The following CA10 variants were observed in gnomAD, a reference collection of about 807,000 sequenced individuals.
CA10 encodes the protein carbonic anhydrase-related protein 10.
A neutral mutation model predicts 44.2 loss-of-function variants in CA10; 14 were observed. The ratio of observed to expected loss-of-function variants is 0.32; its 90% CI spans 0.21 to 0.50. CA10 has a LOEUF of 0.50. Among genes scored for constraint, CA10 ranks in the 20% least tolerant of loss-of-function variants. The pLI is 0.99. For synonymous variants in CA10, 159 were observed against 141.6 expected (o/e 1.12, Z -0.87); for missense variants, 350 against 409.7 (o/e 0.85, Z 1.26).
At chr17:51,969,656 A>G (rs1449078076) in intron 2 of CA10, among the ~76,000 whole-genome samples, 2 of 151,940 alleles carry the variant, frequency 1.3e-5, no homozygotes, top group Non-Finnish European at 2.9e-5. Context: ...CTACATATTC[A>G]TATTTCCACA....
At chr17:52,158,934 G>A (rs557968794), upstream of CA10, among the ~76,000 whole-genome samples, 97 of 151,666 alleles carry the variant, frequency 6.4e-4, no homozygotes, top group Non-Finnish European at 1.3e-3. Context: ...GCGGCCATGA[G>A]GAGGAGGAGG....
intron 3 of CA10, among the ~76,000 whole-genome samples, chr17:51,755,972 A>G (rs899128373): frequency 6.6e-6 from 1 of 152,072 alleles, no homozygotes; most frequent in Non-Finnish European, 1.5e-5. Context: ...TTACTATTCT[A>G]TATGGAATTG....
rs946429893 is a variant in CA10 at position 51,982,024 on chromosome 17, T to C, written c.137-50892A>G. ...CTTGGAAAATTGCCATTCAGACTTA[T>C]AGATTAAACAAATATCAGATGTGGA... On this transcript the variant is annotated intron_variant, in intron 2 of 8. Transcript: ENST00000451037. Among the ~76,000 whole-genome samples the C allele has an allele frequency of 1.3e-5, 2 of 152,076 alleles. 1 individual carries two copies. Among genetic ancestry groups the C allele is most frequent in the African/African-American group, 4.8e-5 (2 of 41,436 alleles).
intron 4 of CA10, among the ~76,000 whole-genome samples, chr17:51,670,017 C>G (rs1008295818): frequency 6.6e-6 from 1 of 152,206 alleles, no homozygotes; most frequent in Non-Finnish European, 1.5e-5. Context: ...ATGGTTTTAT[C>G]AGGGGAAACC....
chr17:51,948,630 G>A (rs1022830531), intron 2 of CA10, among the ~76,000 whole-genome samples: 1 of 152,142 alleles, frequency 6.6e-6, no homozygotes, highest in African/African-American at 2.4e-5. Context: ...TGCCGTCCCT[G>A]AAGTGGTAGT....
At chr17:51,880,303 AT>A in intron 3 of CA10, among the ~76,000 whole-genome samples, 1 of 152,118 alleles carries the variant, frequency 6.6e-6, no homozygotes, top group African/African-American at 2.4e-5. Flanking sequence ...CAGCAAAAAA[AT>A]ATTTTTTTTT....
At chr17:52,017,663 T>C (rs1567704534) in intron 2 of CA10, among the ~76,000 whole-genome samples, 1 of 152,104 alleles carries the variant, frequency 6.6e-6, no homozygotes, top group Non-Finnish European at 1.5e-5. Context: ...CTGCAGGGTG[T>C]AAAAATCTGG....
intron 4 of CA10, among the ~76,000 whole-genome samples, chr17:51,687,138 C>A (rs1319169275): frequency 1.3e-5 from 2 of 152,174 alleles, no homozygotes; most frequent in African/African-American, 4.8e-5. Flanking sequence ...TACATCTTAC[C>A]TTTATGATCT....
intron 3 of CA10, among the ~76,000 whole-genome samples, chr17:51,876,562 A>G (rs1383488588): frequency 1.3e-5 from 2 of 152,018 alleles, no homozygotes; most frequent in East Asian, 1.9e-4. Context: ...TGTCCTGTGC[A>G]TTGCAGGATG....
At chr17:52,120,436 ATCCTTATCCTTATCCTT>A (rs1988990038) in intron 1 of CA10, among the ~76,000 whole-genome samples, 1 of 139,666 alleles carries the variant, frequency 7.2e-6, no homozygotes, top group African/African-American at 3.2e-5. Flanking sequence ...CCTTATCCTT[ATCCTTATCCTTATCCTT>A]ATCCTTATCC....
chr17:51,884,904 T>G (rs1004053159), intron 3 of CA10, among the ~76,000 whole-genome samples: 13 of 152,204 alleles, frequency 8.5e-5, no homozygotes, highest in African/African-American at 3.1e-4. Context: ...TCACCTGGCT[T>G]TCTTCCTTAT....
chr17:51,821,257 G>A (rs570375086), intron 3 of CA10, among the ~76,000 whole-genome samples: 1 of 151,518 alleles, frequency 6.6e-6, no homozygotes, highest in East Asian at 1.9e-4. Context: ...GGAGCCCACA[G>A]TTAAAAAGGA....
At chr17:51,853,179 AT>A (rs1200743362) in intron 3 of CA10, among the ~76,000 whole-genome samples, 5 of 152,220 alleles carry the variant, frequency 3.3e-5, no homozygotes, top group African/African-American at 4.8e-5. Flanking sequence ...AAGAGAGAAT[AT>A]TTTTAAAGTC....
At chr17:51,902,614 G>C (rs1344880745) in intron 3 of CA10, among the ~76,000 whole-genome samples, 1 of 152,090 alleles carries the variant, frequency 6.6e-6, no homozygotes, top group African/African-American at 2.4e-5. Context: ...AGCTTATCTG[G>C]GAGCCCTGAT....
intron 2 of CA10, among the ~76,000 whole-genome samples, chr17:51,947,959 G>T (rs572841393): frequency 6.6e-6 from 1 of 152,198 alleles, no homozygotes; most frequent in Non-Finnish European, 1.5e-5. Flanking sequence ...AGTAGCTGGG[G>T]ATAGACCAAA....
At chr17:52,145,759 C>G (rs1989569094) in intron 1 of CA10, among the ~76,000 whole-genome samples, 1 of 152,184 alleles carries the variant, frequency 6.6e-6, no homozygotes, top group Admixed American at 6.5e-5. Context: ...ATTCTACATA[C>G]TTGCTTACTC....
chr17:51,963,095 AAAAACTCAAGGAATTGC>A (rs1446545590), intron 2 of CA10, among the ~76,000 whole-genome samples: 4 of 152,222 alleles, frequency 2.6e-5, no homozygotes, highest in Non-Finnish European at 5.9e-5. Context: ...TCTAGAATTG[AAAAACTCAAGGAATTGC>A]AAAATATAAT....
chr17:51,659,644 G>T (rs1001881702), intron 4 of CA10, among the ~76,000 whole-genome samples: 1 of 152,140 alleles, frequency 6.6e-6, no homozygotes, highest in Non-Finnish European at 1.5e-5. Flanking sequence ...TCACCACTTT[G>T]GATGATCATT....
chr17:52,154,517 G>A (rs1007148360), intron 1 of CA10, among the ~76,000 whole-genome samples: 6 of 152,258 alleles, frequency 3.9e-5, no homozygotes, highest in East Asian at 1.9e-4. Context: ...TTCTCTCCTC[G>A]TGCTGCTAAG....
Sources: gnomAD v4.1 joint callset for allele counts (sites outside exome capture counted in the v4.1 genomes callset) on GRCh38, gnomAD v4.1.1 for gene constraint, MANE v1.5 for transcripts, NCBI Gene and HGNC (gene_info 2026-07-23, HGNC 2026-07-21) for gene names.